The following GRM7 variants were observed in gnomAD, a reference collection of about 807,000 sequenced individuals.
GRM7 encodes the protein glutamate metabotropic receptor 7.
GRM7 carries 35 observed loss-of-function variants against 84.5 expected under a neutral mutation model. The ratio of observed to expected loss-of-function variants is 0.41; its 90% CI spans 0.32 to 0.55. GRM7 has a LOEUF of 0.55. GRM7 is among the 20% of genes least tolerant of loss of function. The pLI is 0.19. For synonymous variants in GRM7, 487 were observed against 455.1 expected, an observed-to-expected ratio of 1.07 and a Z score of -0.89; for missense variants, 1,003 against 1,194.6, an observed-to-expected ratio of 0.84 and a Z score of 2.36.
chr3:7,685,082 G>A (rs1000917564), intron 9 of GRM7, among the ~76,000 whole-genome samples: 1 of 152,168 alleles, frequency 6.6e-6, no homozygotes, highest in Non-Finnish European at 1.5e-5. Flanking sequence ...CAAACTTGTA[G>A]ATGCCAGATA....
At position 7,578,213 on chromosome 3, in the gene GRM7, G is replaced by A. The variant is rs115335347; in HGVS notation, c.1516-209G>A. On this transcript the variant is annotated intron_variant, in intron 7 of 9. Transcript: ENST00000357716. ...TCAGGGAATTCTTAAGATCTGGCAC[G>A]TTGAGAACACTCTAATGGTGAAGAG... Among the ~76,000 whole-genome samples, 588 of 152,194 alleles carry A rather than the reference G, an allele frequency of 3.9e-3. 6 individuals carry two copies. The highest frequency in any genetic ancestry group is 0.014 in the African/African-American group (562 of 41,524).
At chr3:7,115,213 C>A (rs376047088) in intron 1 of GRM7, among the ~76,000 whole-genome samples, 11 of 152,036 alleles carry the variant, frequency 7.2e-5, no homozygotes, top group African/African-American at 2.7e-4. Context: ...TGATCTGAAC[C>A]ATAATGCTAT....
chr3:7,455,980 T>A (rs17718309), intron 6 of GRM7, among the ~76,000 whole-genome samples: 6,346 of 152,246 alleles, frequency 0.042, 176 homozygotes, highest in South Asian at 0.069. Context: ...ATGGGGATCA[T>A]TAGTTTCCTA....
At position 7,224,474 on chromosome 3, in the gene GRM7, G is replaced by A. The variant is rs1696916110; in HGVS notation, c.737-74210G>A. 2.6e-5 allele frequency among the ~76,000 whole-genome samples: 4 copies of A among 152,216 alleles called. No individual in the cohort carries two copies. The South Asian group carries it at 8.3e-4, about 32-fold the overall frequency. On this transcript the variant is annotated intron_variant, in intron 2 of 9. Transcript: ENST00000357716. ...ACATGAGATTTGGGTGGGGACACAG[G>A]TCCAAACGATATTACTGTTGTTCTA...
chr3:7,092,413 G>A (rs1698697307), intron 1 of GRM7, among the ~76,000 whole-genome samples: 2 of 152,102 alleles, frequency 1.3e-5, no homozygotes, highest in Non-Finnish European at 2.9e-5. Flanking sequence ...GTACTTTAAT[G>A]AGTCTCGGGC....
chr3:7,319,827 A>G (rs534371135), intron 4 of GRM7, among the ~76,000 whole-genome samples: 1 of 152,000 alleles, frequency 6.6e-6, no homozygotes, highest in Non-Finnish European at 1.5e-5. Context: ...GTTGCCTTTG[A>G]TTATTATTGT....
chr3:7,237,523 T>C (rs1332372425), intron 2 of GRM7, among the ~76,000 whole-genome samples: 1 of 152,032 alleles, frequency 6.6e-6, no homozygotes, highest in African/African-American at 2.4e-5. Flanking sequence ...TTCTTAAAGA[T>C]GGTGTGTCTG....
intron 1 of GRM7, among the ~76,000 whole-genome samples, chr3:7,127,094 C>A (rs1440611291): frequency 1.3e-5 from 2 of 152,176 alleles, no homozygotes; most frequent in African/African-American, 2.4e-5. Flanking sequence ...ACAGCTCATT[C>A]TACTAAAAAG....
chr3:7,429,118 A>C (rs908570142), intron 5 of GRM7, among the ~76,000 whole-genome samples: 2 of 152,306 alleles, frequency 1.3e-5, no homozygotes, highest in African/African-American at 4.8e-5. Flanking sequence ...GAAGCCTGAC[A>C]CAAGTGACTT....
In GRM7 at chr3:7,102,369, C is replaced by T. The variant is rs376042159; in HGVS notation, c.520-44083C>T. Among the ~76,000 whole-genome samples the T allele has an allele frequency of 9.2e-5, 14 of 151,864 alleles. No individual in the cohort carries two copies. In the East Asian group the frequency reaches 2.3e-3, roughly 25 times the overall value. On this transcript the variant is annotated intron_variant, in intron 1 of 9. Transcript: ENST00000357716. ...TGTTCTATTGTATGCTGGCTGCCATCGCTTCTGAAGAGAAGTCAGTGTATC... is the reference window on the plus strand; with the variant it reads ...TGTTCTATTGTATGCTGGCTGCCATTGCTTCTGAAGAGAAGTCAGTGTATC...
chr3:7,232,326 A>C (rs1697219808), intron 2 of GRM7, among the ~76,000 whole-genome samples: 1 of 152,162 alleles, frequency 6.6e-6, no homozygotes, highest in Non-Finnish European at 1.5e-5. Context: ...GACAAAACAT[A>C]GGTCAATGCT....
chr3:7,221,404 A>G (rs1696796213), intron 2 of GRM7, among the ~76,000 whole-genome samples: 1 of 151,990 alleles, frequency 6.6e-6, no homozygotes, highest in Admixed American at 6.6e-5. Flanking sequence ...ATTGTTTGCT[A>G]TTTTTCCATT....
chr3:7,253,750 G>C (rs910919921), intron 2 of GRM7, among the ~76,000 whole-genome samples: 3 of 152,092 alleles, frequency 2.0e-5, no homozygotes, highest in Admixed American at 6.5e-5. Context: ...AGCTCACAGT[G>C]CTAGGGTATG....
chr3:7,507,618 G>C (rs1275756233), intron 7 of GRM7, among the ~76,000 whole-genome samples: 1 of 152,176 alleles, frequency 6.6e-6, no homozygotes, highest in African/African-American at 2.4e-5. Context: ...AACAGGTATA[G>C]TTCTACTAAC....
Position 7,179,800 on chromosome 3 carries a change from G to T in GRM7, c.736+33132G>T, listed in dbSNP as rs375541846. ...ATTTAAGGGAGAGCAATCTGGCCAG[G>T]AATTAAGTGCATTTGATATAGGAAT... On this transcript the variant is annotated intron_variant, in intron 2 of 9. Coordinates refer to ENST00000357716, the MANE Select transcript of GRM7 (RefSeq NM_000844.4). Among the ~76,000 whole-genome samples, 51 of 152,272 alleles carry T rather than the reference G, an allele frequency of 3.3e-4. No individual in the cohort carries two copies. In the South Asian group the frequency reaches 9.7e-3, roughly 29 times the overall value.
intron 4 of GRM7, among the ~76,000 whole-genome samples, chr3:7,380,637 G>A (rs1694551618): frequency 6.6e-6 from 1 of 152,194 alleles, no homozygotes; most frequent in Admixed American, 6.5e-5. Context: ...AGGAGGTGAT[G>A]AGGGCTCCAG....
chr3:7,332,137 A>T (rs1701233349), intron 4 of GRM7, among the ~76,000 whole-genome samples: 1 of 152,178 alleles, frequency 6.6e-6, no homozygotes, highest in South Asian at 2.1e-4. Context: ...CCTGAGCAGG[A>T]TATTAAACGA....
At chr3:7,033,737 T>G (rs75068108) in intron 1 of GRM7, among the ~76,000 whole-genome samples, 5,241 of 152,194 alleles carry the variant, frequency 0.034, 314 homozygotes, top group African/African-American at 0.12. Context: ...AGTTTGAACA[T>G]GATGTCTTGA....
At chr3:7,682,547 C>T (rs1700420468) in intron 9 of GRM7, among the ~76,000 whole-genome samples, 1 of 97,362 alleles carries the variant, frequency 1.0e-5, no homozygotes, top group Non-Finnish European at 2.1e-5. Context: ...TGTACACACA[C>T]ACACACACAC....
Sources: allele counts gnomAD v4.1 joint callset (sites outside exome capture counted in the v4.1 genomes callset), GRCh38; gene constraint gnomAD v4.1.1; transcripts MANE v1.5; gene names NCBI Gene and HGNC (gene_info 2026-07-23, HGNC 2026-07-21).